Variants in PDK1 observed in about 807,000 individuals in gnomAD.
The protein encoded by PDK1 is pyruvate dehydrogenase kinase 1.
Under a neutral mutation model 54.2 loss-of-function variants are expected in PDK1, and 39 were observed. The observed-to-expected ratio is 0.72, with a 90% CI of 0.56 to 0.94. PDK1 has a LOEUF of 0.94. PDK1 is among the 40% of genes least tolerant of loss of function. The pLI is 0.00. For missense variants in PDK1, 552 were observed against 566.0 expected, an observed-to-expected ratio of 0.98 and a Z score of 0.25; for synonymous variants, 221 against 207.1, an observed-to-expected ratio of 1.07 and a Z score of -0.58.
At chr2:172,609,180 T>C (rs775704342), downstream of PDK1, among the ~76,000 whole-genome samples, 4 of 152,206 alleles carry the variant, frequency 2.6e-5, no homozygotes, top group Non-Finnish European at 4.4e-5. Context: ...GATGGTGTTC[T>C]GTGTGAATGC....
At chr2:172,660,351 G>C in the PDK1 span, among the ~76,000 whole-genome samples, 1 of 139,448 alleles carries the variant, frequency 7.2e-6, no homozygotes. Flanking sequence ...CTGCCTCCTG[G>C]GTTCAAGCAA....
chr2:172,677,867 G>A, the PDK1 span, among the ~76,000 whole-genome samples: 1 of 152,130 alleles, frequency 6.6e-6, no homozygotes, highest in Admixed American at 6.5e-5. Flanking sequence ...ACATTGGGAG[G>A]ATGAATAAAA....
the PDK1 span, chr2:172,678,762 A>T: frequency 8.5e-5 from 13 of 152,170 alleles, no homozygotes; most frequent in East Asian, 2.5e-3. Flanking sequence ...GTAGATGCTT[A>T]TTAGTTATTT....
the PDK1 span, among the ~76,000 whole-genome samples, chr2:172,677,916 C>T: frequency 6.6e-6 from 1 of 152,160 alleles, no homozygotes; most frequent in Non-Finnish European, 1.5e-5. Context: ...CGCCTGTAAT[C>T]CCAGCACTTT....
At chr2:172,629,114 G>C in the PDK1 span, among the ~76,000 whole-genome samples, 2 of 152,084 alleles carry the variant, frequency 1.3e-5, no homozygotes, top group Admixed American at 1.3e-4. Context: ...CTGGGCAACA[G>C]AGCAAGACCC....
Position 172,570,821 on chromosome 2 carries a change from G to C in PDK1, c.942G>C (p.Val314=), listed in dbSNP as rs2149231211. The stretch of plus-strand genomic sequence containing the variant: ...CGCTGGGTAATGAGGATTTGACTGT[G>C]AAGGTAAATGTGTTTAATGGTTTGT... The part of the protein sequence containing the change: ...HVTLGNEDLT[V]KMSDRGGGVP... The change falls in exon 8 of 11, where the codon GTG becomes GTC. Residue 314 remains valine, a synonymous_variant. Transcript: ENST00000282077. 1.9e-6 allele frequency: 3 copies of C among 1,549,446 alleles called. No homozygotes were observed. In the South Asian group the frequency reaches 3.5e-5, roughly 18 times the overall value.
At chr2:172,716,460 G>C in the PDK1 span, among the ~76,000 whole-genome samples, 2 of 152,096 alleles carry the variant, frequency 1.3e-5, no homozygotes, top group South Asian at 4.2e-4. Context: ...GAATAGCTGG[G>C]ATTACAGGCA....
the PDK1 span, among the ~76,000 whole-genome samples, chr2:172,652,950 C>T: frequency 3.0e-4 from 45 of 152,136 alleles, no homozygotes; most frequent in Non-Finnish European, 5.7e-4. Context: ...TGACTTTCTT[C>T]ACAGAATTGG....
the PDK1 span, among the ~76,000 whole-genome samples, chr2:172,622,319 A>G: frequency 1.1e-3 from 156 of 137,908 alleles, 1 homozygote; most frequent in African/African-American, 1.9e-3. Flanking sequence ...CTCATATATT[A>G]TGTGAGATAT....
chr2:172,665,520 A>G, the PDK1 span, among the ~76,000 whole-genome samples: 1 of 152,152 alleles, frequency 6.6e-6, no homozygotes, highest in African/African-American at 2.4e-5. Context: ...ATATAAATTC[A>G]CTTTTTGTCC....
the PDK1 span, among the ~76,000 whole-genome samples, chr2:172,633,422 C>A: frequency 1.5e-5 from 2 of 130,706 alleles, no homozygotes; most frequent in African/African-American, 5.8e-5. Flanking sequence ...TTTCTTGACA[C>A]TTCCAATTGA....
At chr2:172,717,407 T>C in the PDK1 span, among the ~76,000 whole-genome samples, 2 of 152,234 alleles carry the variant, frequency 1.3e-5, no homozygotes, top group African/African-American at 2.4e-5. Flanking sequence ...CGCTTGTTGT[T>C]TTAAACTGCT....
chr2:172,669,157 T>C, the PDK1 span, among the ~76,000 whole-genome samples: 1,092 of 147,954 alleles, frequency 7.4e-3, 8 homozygotes, highest in Middle Eastern at 0.021. Flanking sequence ...CCTCCCGGGT[T>C]CACGCCATTC....
the PDK1 span, among the ~76,000 whole-genome samples, chr2:172,629,497 G>A: frequency 1.4e-4 from 21 of 152,196 alleles, no homozygotes; most frequent in African/African-American, 4.3e-4. Context: ...GGGGAAGACC[G>A]AACTCCAGGG....
At chr2:172,624,349 G>C in the PDK1 span, among the ~76,000 whole-genome samples, 1 of 152,202 alleles carries the variant, frequency 6.6e-6, no homozygotes, top group Non-Finnish European at 1.5e-5. Flanking sequence ...CAGCAGGCAA[G>C]TGAGTGTTAC....
At chr2:172,571,164 T>A (rs1689231970) in intron 8 of PDK1, among the ~76,000 whole-genome samples, 2 of 152,132 alleles carry the variant, frequency 1.3e-5, no homozygotes, top group South Asian at 2.1e-4. Context: ...ATTTAAAAAA[T>A]TTTAAAACAG....
At chr2:172,622,403 T>C in the PDK1 span, among the ~76,000 whole-genome samples, 1 of 149,598 alleles carries the variant, frequency 6.7e-6, no homozygotes, top group South Asian at 2.2e-4. Flanking sequence ...TCATATATTA[T>C]GTGAGATATG....
intron 8 of PDK1, among the ~76,000 whole-genome samples, chr2:172,572,348 G>A (rs559221229): frequency 6.6e-6 from 1 of 152,082 alleles, no homozygotes; most frequent in Non-Finnish European, 1.5e-5. Context: ...TTTTAAAAAA[G>A]GTACAATTCA....
chr2:172,583,328 GCT>G (rs1690026461), intron 8 of PDK1, among the ~76,000 whole-genome samples: 1 of 110,118 alleles, frequency 9.1e-6, no homozygotes, highest in African/African-American at 3.9e-5. Flanking sequence ...GCAGAGTCTC[GCT>G]CTGTCACCCA....
Sources: allele counts gnomAD v4.1 joint callset (sites outside exome capture counted in the v4.1 genomes callset), GRCh38; gene constraint gnomAD v4.1.1; transcripts MANE v1.5; gene names NCBI Gene and HGNC (gene_info 2026-07-23, HGNC 2026-07-21).